The following MROH6 variants were observed in gnomAD, a reference collection of about 807,000 sequenced individuals.
MROH6 encodes the protein maestro heat like repeat family member 6.
A neutral mutation model predicts 67.7 loss-of-function variants in MROH6; 62 were observed. The observed-to-expected ratio is 0.92, with a 90% confidence interval of 0.75 to 1.13. The LOEUF (loss-of-function observed/expected upper bound fraction) is 1.13, where lower values mean the gene tolerates loss of function less well. Among genes scored for constraint, MROH6 ranks in the 50% most tolerant of loss-of-function variants. MROH6 has a pLI of 0.00. For synonymous variants in MROH6, 566 were observed against 470.8 expected (o/e 1.20, Z -2.62); for missense variants, 1,175 against 1,029.1 (o/e 1.14, Z -1.94).
In MROH6 at chr8:143,569,858, G is replaced by C; in HGVS notation, c.1159-18C>G. On this transcript the variant is annotated intron_variant, in intron 7 of 13. Coordinates refer to ENST00000398882, the MANE Select transcript of MROH6 (RefSeq NM_001100878.2). The stretch of plus-strand genomic sequence containing the variant: ...TGCAACAGCTAGGCGAGGCACATGG[G>C]GTCAGCACGCCCGCGGTCCCCGTGC... 1 of 1,610,112 alleles carries C rather than the reference G, an allele frequency of 6.2e-7. No homozygotes were observed. Among genetic ancestry groups the C allele is most frequent in the Non-Finnish European group, 8.5e-7 (1 of 1,178,486 alleles).
At chr8:143,568,948 G>A (rs1463029355) in intron 9 of MROH6, 3 of 465,814 alleles carry the variant, frequency 6.4e-6, no homozygotes, top group Admixed American at 8.5e-5. Context: ...AAGTCGAGCG[G>A]GGAGGAGCTT....
rs377241326 is a variant in MROH6 at position 143,570,346 on chromosome 8, C to T, written c.940G>A (p.Gly314Arg). Residue 314 changes from glycine to arginine, a missense_variant, in exon 6 of 14, where the codon GGG (glycine) becomes AGG (arginine). Coordinates refer to ENST00000398882, the MANE Select transcript of MROH6 (RefSeq NM_001100878.2). Reference protein sequence around the residue: ...AVEALKALLTGDGGRMVVTCM... With the variant: ...AVEALKALLTRDGGRMVVTCM... ...GTGACCACCATGCGGCCTCCATCCCCGGTGAGCAGCGCCTTCAAGGCCTCC... is the reference window on the plus strand; with the variant it reads ...GTGACCACCATGCGGCCTCCATCCCTGGTGAGCAGCGCCTTCAAGGCCTCC... 3.5e-5 allele frequency: 56 copies of T among 1,610,636 alleles called. No individual in the cohort carries two copies. Among genetic ancestry groups the T allele is most frequent in the East Asian group, 6.7e-5 (3 of 44,894 alleles).
chr8:143,571,582 C>T (rs1313984280), intron 3 of MROH6, 85 bp downstream of exon 3: 2 of 1,516,064 alleles, frequency 1.3e-6, no homozygotes, highest in Admixed American at 2.2e-5. Flanking sequence ...TTTTCAGCTC[C>T]CTCTTCTGGG....
In MROH6 at chr8:143,571,125, TC is replaced by T. The variant is rs904638722; in HGVS notation, c.603-132del. ...GGAGGGGCAGGAAACCCCTCCCATC[TC>T]CCCCCATCCCCAAATCTCAGAGAAA... On this transcript the variant is annotated intron_variant, in intron 3 of 13. Transcript: ENST00000398882. The T allele has an allele frequency of 4.8e-5, 31 of 648,902 alleles. No individual in the cohort carries two copies. The Admixed American group carries it at 6.5e-4, about 14-fold the overall frequency. The allele number at this position is 648,902 out of a possible 1,614,324, so 40.2% of individuals were successfully genotyped here.
Position 143,572,769 on chromosome 8 carries a change from G to A in MROH6, c.-55C>T. ...GCTCCTCCTGCGAAGTTGTGCCCAG[G>A]ACTGACCTAGAAGCCGCCCCGGGCG... is the stretch of plus-strand genomic sequence containing the variant. On this transcript the variant is annotated 5_prime_UTR_variant, in exon 1 of 14. Coordinates refer to ENST00000398882, the MANE Select transcript of MROH6 (RefSeq NM_001100878.2). The A allele has an allele frequency of 7.0e-7, 1 of 1,431,560 alleles. No individual in the cohort carries two copies. The highest frequency in any genetic ancestry group is 1.5e-5 in the South Asian group (1 of 68,038). 88.7% of individuals were successfully genotyped at this position (1,431,560 alleles called of 1,614,324 possible).
In MROH6 at chr8:143,572,073, G is replaced by A; in HGVS notation, c.407C>T (p.Ser136Phe). The A allele has an allele frequency of 1.9e-6, 3 of 1,612,732 alleles. No individual in the cohort carries two copies. The highest frequency in any genetic ancestry group is 2.5e-6 in the Non-Finnish European group (3 of 1,179,742). The change falls in exon 2 of 14, where the codon TCC becomes TTC. Residue 136 changes from serine to phenylalanine, a missense_variant. Ser to Phe is a radical substitution (Grantham distance 155). Transcript: ENST00000398882. ...AGTQATVLTLSSALEARGERL... is the reference protein window; with the variant it reads ...AGTQATVLTLFSALEARGERL... ...CTCGCCCCGGGCCTCCAGGGCTGAGGACAGGGTGAGCACTGTCGCCTGGGT... is the reference window on the plus strand; with the variant it reads ...CTCGCCCCGGGCCTCCAGGGCTGAGAACAGGGTGAGCACTGTCGCCTGGGT...
At chr8:143,567,960 C>A (rs1372862886) in intron 11 of MROH6, 72 bp from the exon 12 acceptor site, 12 of 1,461,708 alleles carry the variant, frequency 8.2e-6, no homozygotes, top group African/African-American at 1.4e-5. Context: ...AGAGCTGAAT[C>A]CAGGGGCCGG....
intron 3 of MROH6, among the ~76,000 whole-genome samples, chr8:143,571,421 C>T (rs370306979): frequency 6.6e-6 from 1 of 152,158 alleles, no homozygotes; most frequent in Non-Finnish European, 1.5e-5. Flanking sequence ...GGAGGCCACC[C>T]GAAGATAGAA....
rs930858910 is a variant in MROH6, at chr8:143,569,454, G to A, written c.1463C>T (p.Pro488Leu). The A allele has an allele frequency of 1.1e-5, 16 of 1,458,402 alleles. No homozygotes were observed. The highest frequency in any genetic ancestry group is 1.4e-5 in the Non-Finnish European group (16 of 1,116,200). 90.3% of individuals were successfully genotyped at this position (1,458,402 alleles called of 1,614,324 possible). A position where few individuals can be genotyped will look rare whatever the true frequency, so the allele number is the denominator to read the frequency against. The stretch of plus-strand genomic sequence containing the variant: ...GCGTTTGCTCACGTCGTCCAGTAGC[G>A]GAGGGAGGCGCGGTCCCAGCTCCGC... Reference protein sequence around the residue: ...LSAELGPRLPPLLDDTRDSIR... With the variant: ...LSAELGPRLPLLLDDTRDSIR... The change falls in exon 9 of 14, where the codon CCG becomes CTG. Residue 488 changes from proline to leucine, a missense_variant. Transcript: ENST00000398882.
chr8:143,568,833 G>A lies in MROH6; in HGVS notation c.1477-114C>T, dbSNP rs532467231. ...CGGGTCTAGGGAAGGCTGCTGACTC[G>A]GTGTGATCTGGGGACAGGGAACAGG... is the stretch of plus-strand genomic sequence containing the variant. On this transcript the variant is annotated intron_variant, in intron 9 of 13. Coordinates refer to ENST00000398882, the MANE Select transcript of MROH6 (RefSeq NM_001100878.2). The A allele has an allele frequency of 6.4e-5, 49 of 771,186 alleles. No individual in the cohort carries two copies. In the South Asian group the frequency reaches 8.5e-4, roughly 13 times the overall value. 47.8% of individuals were successfully genotyped at this position (771,186 alleles called of 1,614,324 possible).
At chr8:143,571,633 C>T (rs951611167) in intron 3 of MROH6, 34 bp downstream of exon 3, 12 of 1,553,318 alleles carry the variant, frequency 7.7e-6, no homozygotes, top group South Asian at 4.7e-5. Context: ...AAGGAAGCCG[C>T]GTGGGGACCG....
chr8:143,569,641 G>C, intron 8 of MROH6, 27 bp from the exon 9 acceptor site: 1 of 1,593,898 alleles, frequency 6.3e-7, no homozygotes, highest in Non-Finnish European at 8.6e-7. Flanking sequence ...TCAGCCTCTT[G>C]CAGACCTCGC....
chr8:143,568,410 A>G, intron 10 of MROH6, 142 bp downstream of exon 10: 2 of 1,428,646 alleles, frequency 1.4e-6, no homozygotes, highest in Non-Finnish European at 1.9e-6. Flanking sequence ...GAAGAGCAGT[A>G]GTAACCTGGC....
In MROH6 at chr8:143,568,183, A is replaced by T; in HGVS notation, c.1723T>A (p.Tyr575Asn). ...TGGCTCAGGGCCTCGGGGCTGTCAT[A>T]GTGGGCCACGGTGACCAACTCCTCC... ...LLEELVTVAH[Y>N]DSPEALSHLC... is the part of the protein sequence containing the mutation. Residue 575 changes from tyrosine (Y) to asparagine (N), a missense_variant, in exon 11 of 14, where the codon TAT (tyrosine) becomes AAT (asparagine). Physicochemically the swap from Tyr to Asn is moderately radical, Grantham distance 143 (BLOSUM62 -2). Coordinates refer to ENST00000398882, the MANE Select transcript of MROH6 (RefSeq NM_001100878.2). 2.5e-6 allele frequency: 4 copies of T among 1,610,670 alleles called. No individual in the cohort carries two copies. Among genetic ancestry groups the T allele is most frequent in the Non-Finnish European group, 3.4e-6 (4 of 1,179,072 alleles).
At chr8:143,570,222 G>A (rs746888695) in intron 6 of MROH6, 21 bp downstream of exon 6, 17 of 1,187,746 alleles carry the variant, frequency 1.4e-5, no homozygotes, top group East Asian at 2.4e-5. Flanking sequence ...ACACCCTGGG[G>A]CCCCTCCTCA....
Position 143,570,909 on chromosome 8 carries a change from C to T in MROH6, c.688G>A (p.Gly230Ser), listed in dbSNP as rs773692901. 2.1e-5 allele frequency: 33 copies of T among 1,548,424 alleles called. No individual in the cohort carries two copies. Among genetic ancestry groups the T allele is most frequent in the Non-Finnish European group, 2.9e-5 (33 of 1,146,894 alleles). The stretch of plus-strand genomic sequence containing the variant: ...GCCTGGGGCTCCGGCCCCGAAGCAC[C>T]CTTCAGCGCCCACAGCAGTTGCACC... Reference protein sequence around the residue: ...VLVQLLWALKGASGPEPQALA... With the variant: ...VLVQLLWALKSASGPEPQALA... The change falls in exon 4 of 14, where the codon GGT becomes AGT. Residue 230 changes from glycine to serine, a missense_variant. Gly to Ser is a moderately conservative substitution (Grantham distance 56). Transcript: ENST00000398882.
chr8:143,571,824 G>A lies in MROH6; in HGVS notation c.448-3C>T. 1 of 1,540,078 alleles carries A rather than the reference G, an allele frequency of 6.5e-7. No individual in the cohort carries two copies. The highest frequency in any genetic ancestry group is 8.7e-7 in the Non-Finnish European group (1 of 1,143,140). On this transcript the variant is annotated splice_region_variant and splice_polypyrimidine_tract_variant and intron_variant, in intron 2 of 13. Transcript: ENST00000398882. ...AGCCCACGCACCAGAGCATGCACCT[G>A]GTGGGGAAGGGGGCAGACTTCAGCA...
rs745975150 is a variant in MROH6, at chr8:143,567,345, C to T, written c.2054G>A (p.Arg685His). The change falls in exon 14 of 14, where the codon CGC becomes CAC. Residue 685 changes from arginine (R) to histidine (H), a missense_variant. Arg to His is a conservative substitution (Grantham distance 29, BLOSUM62 0). Transcript: ENST00000398882. ...GGGCCGGGCGGGGCGCGGGGCGATG[C>T]GGAGAAGGCGGGGCCCGCGGGGGCA... ...RGCPRGPRLL[R>H]IAPRPARPPP... The T allele has an allele frequency of 1.1e-5, 13 of 1,219,254 alleles. No individual in the cohort carries two copies. In the East Asian group the frequency reaches 1.3e-4, roughly 12 times the overall value. 75.5% of individuals were successfully genotyped at this position (1,219,254 alleles called of 1,614,324 possible).
chr8:143,568,436 C>T, intron 10 of MROH6, 116 bp downstream of exon 10: 6 of 1,438,034 alleles, frequency 4.2e-6, no homozygotes, highest in Non-Finnish European at 5.5e-6. Flanking sequence ...GTCACACCTG[C>T]CACTGAGGTC....
Sources: allele counts gnomAD v4.1 joint callset (sites outside exome capture counted in the v4.1 genomes callset), GRCh38; gene constraint gnomAD v4.1.1; transcripts MANE v1.5; gene names NCBI Gene and HGNC (gene_info 2026-07-23, HGNC 2026-07-21).